PLCB4: variants seen among roughly 807,000 people sequenced by gnomAD.
The protein encoded by PLCB4 is 1-phosphatidylinositol 4,5-bisphosphate phosphodiesterase beta-4.
A neutral mutation model predicts 178.8 loss-of-function variants in PLCB4; 77 were observed. The observed-to-expected ratio is 0.43, with a 90% confidence interval of 0.36 to 0.52. The LOEUF (loss-of-function observed/expected upper bound fraction) is 0.52. PLCB4 is among the 20% of genes least tolerant of loss of function. PLCB4 has a pLI of 0.00. For missense variants in PLCB4, 1,024 were observed against 1,453.4 expected, an observed-to-expected ratio of 0.70 and a Z score of 4.80; for synonymous variants, 496 against 490.8, an observed-to-expected ratio of 1.01 and a Z score of -0.14.
intron 4 of PLCB4, among the ~76,000 whole-genome samples, chr20:9,330,408 A>G (rs559210281): frequency 2.0e-5 from 3 of 152,066 alleles, no homozygotes; most frequent in Non-Finnish European, 4.4e-5. Context: ...GGTGAGTCTC[A>G]TATGTACCTA....
chr20:9,367,329 G>A (rs1329806661), intron 9 of PLCB4, among the ~76,000 whole-genome samples: 1 of 151,990 alleles, frequency 6.6e-6, no homozygotes, highest in Non-Finnish European at 1.5e-5. Flanking sequence ...CATTTGTTGT[G>A]GTCTTTCCAA....
In PLCB4 at chr20:9,307,850, A is replaced by T. The variant is rs2147872477; in HGVS notation, c.36A>T (p.Glu12Asp). 1.2e-6 allele frequency: 2 copies of T among 1,602,266 alleles called. No homozygotes were observed. Among genetic ancestry groups the T allele is most frequent in the African/African-American group, 1.3e-5 (1 of 74,916 alleles). The stretch of plus-strand genomic sequence containing the variant: ...CTTATGAATTTAACTGGCAGAAGGA[A>T]GTTCCCTCCTTTTTGCAAGAAGGAG... ...AKPYEFNWQK[E>D]VPSFLQEGAV... is the part of the protein sequence containing the mutation. Residue 12 changes from glutamate (E) to aspartate (D), a missense_variant, in exon 4 of 40, where the codon GAA becomes GAT. Glu to Asp is a conservative substitution (Grantham distance 45). This residue lies in a region of PLCB4 where 225 missense variants were observed against 291.0 expected (regional missense o/e 0.77). Transcript: ENST00000378473.
intron 33 of PLCB4, among the ~76,000 whole-genome samples, chr20:9,454,319 T>C (rs1191951940): frequency 6.6e-6 from 1 of 152,238 alleles, no homozygotes; most frequent in East Asian, 1.9e-4. Flanking sequence ...GCTGGTATCT[T>C]ACAGGTTTCT....
chr20:9,079,887 G>A (rs6039378), intron 1 of PLCB4, among the ~76,000 whole-genome samples: 94,786 of 151,858 alleles, frequency 0.62, 29,697 homozygotes, highest in South Asian at 0.72. Flanking sequence ...TGGGAAATGC[G>A]TAGAATGGGA....
intron 28 of PLCB4, among the ~76,000 whole-genome samples, chr20:9,424,872 T>C (rs1003422365): frequency 2.6e-5 from 4 of 152,186 alleles, no homozygotes; most frequent in African/African-American, 9.7e-5. Flanking sequence ...CTGGGGAATA[T>C]GGGATAATTT....
chr20:9,398,282 A>G (rs2148451321), intron 19 of PLCB4, among the ~76,000 whole-genome samples: 1 of 152,356 alleles, frequency 6.6e-6, no homozygotes, highest in East Asian at 1.9e-4. Flanking sequence ...ACGTTGCATA[A>G]GAGCACAGAG....
chr20:9,243,209 A>G (rs1005824801), intron 3 of PLCB4, among the ~76,000 whole-genome samples: 1 of 152,198 alleles, frequency 6.6e-6, no homozygotes, highest in Non-Finnish European at 1.5e-5. Context: ...AAGATTGTTA[A>G]TAGAATAGAA....
chr20:9,131,440 A>G (rs2092270563), intron 2 of PLCB4, among the ~76,000 whole-genome samples: 1 of 152,136 alleles, frequency 6.6e-6, no homozygotes, highest in African/African-American at 2.4e-5. Context: ...GTGACTGGTA[A>G]TAACTTTACT....
chr20:9,288,724 A>C (rs1437261774), intron 3 of PLCB4, among the ~76,000 whole-genome samples: 3 of 152,038 alleles, frequency 2.0e-5, no homozygotes, highest in African/African-American at 7.2e-5. Flanking sequence ...GATCAGGCTG[A>C]AGGTAGGAGT....
chr20:9,343,657 C>T (rs896169388), intron 7 of PLCB4, among the ~76,000 whole-genome samples: 1 of 152,298 alleles, frequency 6.6e-6, no homozygotes, highest in South Asian at 2.1e-4. Flanking sequence ...TGTTGCCACT[C>T]TTACCTATTT....
intron 3 of PLCB4, among the ~76,000 whole-genome samples, chr20:9,247,979 G>T (rs1169501641): frequency 6.6e-6 from 1 of 151,870 alleles, no homozygotes; most frequent in Admixed American, 6.6e-5. Flanking sequence ...ACAAAGCCCC[G>T]ACTTACAGCA....
intron 2 of PLCB4, among the ~76,000 whole-genome samples, chr20:9,124,810 G>T (rs571644470): frequency 6.6e-6 from 1 of 152,194 alleles, no homozygotes; most frequent in South Asian, 2.1e-4. Context: ...TTATTTGCAT[G>T]TATCATCTTT....
intron 19 of PLCB4, 69 bp from the exon 20 acceptor site, chr20:9,401,421 A>G: frequency 9.7e-7 from 1 of 1,032,390 alleles, no homozygotes; most frequent in Non-Finnish European, 1.5e-6. Flanking sequence ...TCTACCCAAG[A>G]TTGTGAACAA....
In PLCB4 at chr20:9,319,637, A is replaced by C. The variant is rs577428870; in HGVS notation, c.84+11739A>C. ...GTCCAAAGGCCCCAGAACCAGGGGCATCAGTATCCAAGTTGAATGTCCCAG... is the reference window on the plus strand; with the variant it reads ...GTCCAAAGGCCCCAGAACCAGGGGCCTCAGTATCCAAGTTGAATGTCCCAG... On this transcript the variant is annotated intron_variant, in intron 4 of 39. Coordinates refer to ENST00000378473, the MANE Select transcript of PLCB4 (RefSeq NM_001377142.1). 1.2e-4 allele frequency among the ~76,000 whole-genome samples: 18 copies of C among 152,272 alleles called. No individual in the cohort carries two copies. In the South Asian group the frequency reaches 3.5e-3, roughly 30 times the overall value.
chr20:9,468,726 C>A, intron 36 of PLCB4, 54 bp downstream of exon 36: 1 of 1,020,520 alleles, frequency 9.8e-7, no homozygotes, highest in Non-Finnish European at 1.5e-6. Flanking sequence ...AGGACACAGT[C>A]TCAACTTTCT....
chr20:9,335,186 C>T (rs1370360156), intron 4 of PLCB4, among the ~76,000 whole-genome samples: 1 of 152,106 alleles, frequency 6.6e-6, no homozygotes, highest in African/African-American at 2.4e-5. Context: ...TGGGCTAATT[C>T]TTATGTCTTG....
At chr20:9,196,162 CTA>C (rs1052013685) in intron 2 of PLCB4, among the ~76,000 whole-genome samples, 4 of 152,152 alleles carry the variant, frequency 2.6e-5, no homozygotes, top group African/African-American at 9.7e-5. Context: ...TAGCAACAGT[CTA>C]TGTGTGGGGA....
At chr20:9,192,511 G>A (rs2093417527) in intron 2 of PLCB4, among the ~76,000 whole-genome samples, 1 of 150,960 alleles carries the variant, frequency 6.6e-6, no homozygotes, top group Admixed American at 6.6e-5. Context: ...AGCTGTCAGA[G>A]TCTTGAATTT....
chr20:9,476,315 A>G (rs537579602), intron 38 of PLCB4, among the ~76,000 whole-genome samples: 33 of 151,316 alleles, frequency 2.2e-4, no homozygotes, highest in Non-Finnish European at 4.6e-4. Context: ...CCAGCTACAC[A>G]GTATATCTCA....
Sources: allele counts gnomAD v4.1 joint callset (sites outside exome capture counted in the v4.1 genomes callset), GRCh38; gene constraint gnomAD v4.1.1; regional missense constraint gnomAD v4.1.1; transcripts MANE v1.5; gene names NCBI Gene and HGNC (gene_info 2026-07-23, HGNC 2026-07-21).